Variants in TRIM37 observed in about 807,000 individuals in gnomAD.
TRIM37 encodes E3 ubiquitin-protein ligase TRIM37.
Under a neutral mutation model 129.8 loss-of-function variants are expected in TRIM37, and 80 were observed. That is an observed-to-expected ratio of 0.62 (90% CI 0.51 to 0.74). The LOEUF (loss-of-function observed/expected upper bound fraction) is 0.74. Ranked by LOEUF, TRIM37 falls within the 30% of genes least tolerant of loss-of-function variation. TRIM37 has a pLI of 0.00. For synonymous variants in TRIM37, 389 were observed against 387.1 expected, an observed-to-expected ratio of 1.00 and a Z score of -0.06; for missense variants, 1,054 against 1,176.5, an observed-to-expected ratio of 0.90 and a Z score of 1.52.
chr17:59,081,861 C>T (rs754158285), intron 5 of TRIM37, among the ~76,000 whole-genome samples: 4 of 147,566 alleles, frequency 2.7e-5, no homozygotes, highest in Non-Finnish European at 5.9e-5. Context: ...GAGCTGTGAT[C>T]GGGCCACTGT....
chr17:59,042,447 A>ATATATATATAT (rs1366333212), intron 16 of TRIM37, among the ~76,000 whole-genome samples: 66 of 38,922 alleles, frequency 1.7e-3, no homozygotes, highest in African/African-American at 4.6e-3. Context: ...AAAAAAAAAA[A>ATATATATATAT]AAATATATAT....
intron 7 of TRIM37, among the ~76,000 whole-genome samples, chr17:59,079,418 C>T (rs1170599051): frequency 6.6e-6 from 1 of 152,106 alleles, no homozygotes; most frequent in African/African-American, 2.4e-5. Context: ...GTTTCTTCAT[C>T]CCCAATGAAA....
At chr17:59,091,454 TATA>T (rs2044303990) in intron 2 of TRIM37, 114 bp from the exon 3 acceptor site, 1 of 190,340 alleles carries the variant, frequency 5.3e-6, no homozygotes, top group African/African-American at 2.6e-5. Context: ...ATATATAATA[TATA>T]AATATATAAT....
chr17:59,019,487 C>T (rs1018967470), intron 19 of TRIM37, among the ~76,000 whole-genome samples: 4 of 151,878 alleles, frequency 2.6e-5, no homozygotes, highest in African/African-American at 7.3e-5. Flanking sequence ...AGGTGGGTGG[C>T]GCATGAGGTC....
At chr17:59,082,177 T>C (rs1051487388) in intron 5 of TRIM37, among the ~76,000 whole-genome samples, 2 of 151,082 alleles carry the variant, frequency 1.3e-5, no homozygotes, top group Non-Finnish European at 3.0e-5. Context: ...AGGCTGAGGC[T>C]GGAGAACCAC....
At chr17:59,045,123 G>A (rs1336758124) in intron 16 of TRIM37, among the ~76,000 whole-genome samples, 2 of 152,034 alleles carry the variant, frequency 1.3e-5, no homozygotes, top group Non-Finnish European at 2.9e-5. Context: ...TCAGGAGATT[G>A]AGATCATCCT....
At chr17:59,091,269 A>AT (rs893784340) in intron 3 of TRIM37, 31 bp downstream of exon 3, 1 of 1,574,388 alleles carries the variant, frequency 6.4e-7, no homozygotes, top group African/African-American at 1.4e-5. Flanking sequence ...CTATTTTCAA[A>AT]ATTCACAAAT....
At chr17:59,070,109 A>T (rs983285063) in intron 9 of TRIM37, among the ~76,000 whole-genome samples, 1 of 152,120 alleles carries the variant, frequency 6.6e-6, no homozygotes, top group Non-Finnish European at 1.5e-5. Context: ...AGCACTGATT[A>T]ATTTTCAGCC....
chr17:58,972,030 G>A, the TRIM37 span: 4 of 1,114,138 alleles, frequency 3.6e-6, no homozygotes, highest in African/African-American at 3.2e-5. Flanking sequence ...ATTATTAATA[G>A]TATAGCTCCC....
At chr17:59,032,335 C>T (rs903486180) in intron 17 of TRIM37, among the ~76,000 whole-genome samples, 4 of 151,038 alleles carry the variant, frequency 2.6e-5, no homozygotes, top group African/African-American at 9.7e-5. Context: ...ACCATCCTGG[C>T]TAACAAGGTG....
intron 21 of TRIM37, among the ~76,000 whole-genome samples, chr17:59,012,992 TATC>T (rs1236918635): frequency 6.6e-6 from 1 of 152,176 alleles, no homozygotes; most frequent in African/African-American, 2.4e-5. Flanking sequence ...TGCAAAATGT[TATC>T]ATTAGGGGAG....
At chr17:59,014,106 A>G (rs2035619290) in intron 21 of TRIM37, among the ~76,000 whole-genome samples, 1 of 152,228 alleles carries the variant, frequency 6.6e-6, no homozygotes, top group Non-Finnish European at 1.5e-5. Flanking sequence ...AATGTATAAA[A>G]CATCAGGTTA....
intron 22 of TRIM37, among the ~76,000 whole-genome samples, chr17:59,008,283 T>G (rs2034801929): frequency 6.6e-6 from 1 of 152,214 alleles, no homozygotes; most frequent in Non-Finnish European, 1.5e-5. Context: ...TTCACAGCAA[T>G]TTTTCTTATT....
intron 14 of TRIM37, among the ~76,000 whole-genome samples, chr17:59,050,725 A>C (rs917621132): frequency 2.6e-5 from 4 of 152,170 alleles, no homozygotes; most frequent in African/African-American, 9.7e-5. Context: ...CATGCCTGTA[A>C]TCCCAGCACT....
chr17:59,077,979 G>A, intron 7 of TRIM37, among the ~76,000 whole-genome samples: 1 of 151,646 alleles, frequency 6.6e-6, no homozygotes, highest in Middle Eastern at 3.2e-3. Flanking sequence ...CAAAAAATTA[G>A]CTGGGGGTGG....
Position 59,066,838 on chromosome 17 carries a change from T to C in TRIM37, c.810-2433A>G, listed in dbSNP as rs542289175. ...TGTTCCAATAACCTGTTTTTCTAAATCATAATTATAAACCCAAAGAGCTCT... is the reference window on the plus strand; with the variant it reads ...TGTTCCAATAACCTGTTTTTCTAAACCATAATTATAAACCCAAAGAGCTCT... On this transcript the variant is annotated intron_variant, in intron 9 of 23. Coordinates refer to ENST00000262294, the MANE Select transcript of TRIM37 (RefSeq NM_015294.6). Among the ~76,000 whole-genome samples the C allele has an allele frequency of 3.3e-5, 5 of 152,312 alleles. No homozygotes were observed. The East Asian group carries it at 9.6e-4, about 29-fold the overall frequency.
intron 16 of TRIM37, among the ~76,000 whole-genome samples, chr17:59,047,146 C>G (rs2039903899): frequency 6.6e-6 from 1 of 150,716 alleles, no homozygotes; most frequent in Admixed American, 6.6e-5. Flanking sequence ...GAGCGAGACT[C>G]CGTCTCAAAA....
rs369571286 is a variant in TRIM37 at position 59,047,846 on chromosome 17, G to A, written c.1531-27C>T. ...TAGATCAATGCCAAGAAAACAAGAC[G>A]TCTATTCCAAATGTTTCTACTCAGT... is the stretch of plus-strand genomic sequence containing the variant. On this transcript the variant is annotated intron_variant, in intron 15 of 23. Transcript: ENST00000262294. 31 of 1,612,634 alleles carry A rather than the reference G, an allele frequency of 1.9e-5. No individual in the cohort carries two copies. The East Asian group carries it at 2.2e-4, about 12-fold the overall frequency.
Position 59,017,297 on chromosome 17 carries a change from T to C in TRIM37, c.2385A>G (p.Glu795=), listed in dbSNP as rs560577613. 6.3e-5 allele frequency: 101 copies of C among 1,614,110 alleles called. No homozygotes were observed. In the South Asian group the frequency reaches 1.0e-3, roughly 16 times the overall value. Residue 795 remains glutamate, a splice_region_variant and synonymous_variant, in exon 20 of 24, where the codon GAA becomes GAG. Transcript: ENST00000262294. ...RSKGDCQTLS[E]GSPGSSQSGS... is the part of the protein sequence containing the mutation. ...ACATTCTGAATCCCTCAAATTTACC[T>C]TCAGACAGAGTCTGACAGTCTCCCT...
Sources: gnomAD v4.1 joint callset for allele counts (sites outside exome capture counted in the v4.1 genomes callset) on GRCh38, gnomAD v4.1.1 for gene constraint, MANE v1.5 for transcripts, NCBI Gene and HGNC (gene_info 2026-07-23, HGNC 2026-07-21) for gene names.